The following THEMIS variants were observed in gnomAD, a reference collection of about 807,000 sequenced individuals.
THEMIS encodes thymocyte selection associated, also known as protein THEMIS.
In THEMIS, 37 loss-of-function variants were observed where a neutral mutation model predicts 52.6. The ratio of observed to expected loss-of-function variants is 0.70; its 90% CI spans 0.54 to 0.93. The LOEUF is 0.93. Ranked by LOEUF, THEMIS falls within the 40% of genes least tolerant of loss-of-function variation. The probability of loss-of-function intolerance (pLI) is 0.00; values close to 1 mark genes in which losing one functional copy is unlikely to be tolerated. For missense variants in THEMIS, 808 were observed against 763.1 expected, an observed-to-expected ratio of 1.06 and a Z score of -0.69; for synonymous variants, 292 against 272.7, an observed-to-expected ratio of 1.07 and a Z score of -0.70.
intron 4 of THEMIS, among the ~76,000 whole-genome samples, chr6:127,751,590 G>C (rs1004797534): frequency 6.6e-6 from 1 of 151,386 alleles, no homozygotes; most frequent in African/African-American, 2.4e-5. Flanking sequence ...AGACAAAGAA[G>C]ACCATCAATA....
Position 127,862,428 on chromosome 6 carries a change from A to ATTTTTTTTTTTTTTTTTTTTTT in THEMIS, c.92-7262_92-7241dup, listed in dbSNP as rs71028110. On this transcript the variant is annotated intron_variant, in intron 1 of 5. Coordinates refer to ENST00000368248, the MANE Select transcript of THEMIS (RefSeq NM_001010923.3). ...GCAGGTGAAATCTCCTAGGGAGTAAATTTTTTTTTTTTTTTTTTTTTTGCT... is the reference window on the plus strand; with the variant it reads ...GCAGGTGAAATCTCCTAGGGAGTAAATTTTTTTTTTTTTTTTTTTTTTTTTTTTTTTTTTTTTTTTTTTTGCT... Among the ~76,000 whole-genome samples the ATTTTTTTTTTTTTTTTTTTTTT allele has an allele frequency of 3.3e-3, 238 of 72,766 alleles. 32 individuals carry two copies. The highest frequency in any genetic ancestry group is 4.8e-3 in the Non-Finnish European group (170 of 35,412). 47.7% of individuals were successfully genotyped at this position (72,766 alleles called of 152,430 possible).
intron 1 of THEMIS, among the ~76,000 whole-genome samples, chr6:127,887,748 T>C (rs765836438): frequency 1.3e-5 from 2 of 152,262 alleles, no homozygotes; most frequent in South Asian, 2.1e-4. Context: ...TTTAAGATGA[T>C]GAAAATGGTC....
At chr6:127,878,075 T>C (rs1780368639) in intron 1 of THEMIS, among the ~76,000 whole-genome samples, 1 of 152,192 alleles carries the variant, frequency 6.6e-6, no homozygotes, top group African/African-American at 2.4e-5. Flanking sequence ...CATGCTTTTG[T>C]TTCCTATTAA....
rs1374265026 is a variant in THEMIS, at chr6:127,856,844, C to T, written c.92-1656G>A. ...TAATAAATCCACAGTGACATTTTTCCCCCAATTGACTCTGAATGGTTATTT... is the reference window on the plus strand; with the variant it reads ...TAATAAATCCACAGTGACATTTTTCTCCCAATTGACTCTGAATGGTTATTT... On this transcript the variant is annotated intron_variant, in intron 1 of 5. Transcript: ENST00000368248. 2.6e-5 allele frequency among the ~76,000 whole-genome samples: 4 copies of T among 151,814 alleles called. 1 individual carries two copies. Among genetic ancestry groups the T allele is most frequent in the East Asian group, 3.9e-4 (2 of 5,136 alleles).
At chr6:127,788,580 T>C (rs1031028681) in intron 4 of THEMIS, among the ~76,000 whole-genome samples, 5 of 152,362 alleles carry the variant, frequency 3.3e-5, no homozygotes, top group South Asian at 2.1e-4. Flanking sequence ...AGGTACTCAA[T>C]TGTATTTTCA....
chr6:127,885,643 A>AT (rs1230363329), intron 1 of THEMIS, among the ~76,000 whole-genome samples: 16 of 152,114 alleles, frequency 1.1e-4, no homozygotes, highest in Non-Finnish European at 1.5e-5. Context: ...ATTTTAACAT[A>AT]TTTTTTGCAG....
Position 127,887,821 on chromosome 6 carries a change from T to C in THEMIS, c.91+13021A>G, listed in dbSNP as rs753129017. On this transcript the variant is annotated intron_variant, in intron 1 of 5. Transcript: ENST00000368248. ...TTAAAACCATTCAGTTGTATACTTATAGTGGTTGAATTTTATGGTATATAA... is the reference window on the plus strand; with the variant it reads ...TTAAAACCATTCAGTTGTATACTTACAGTGGTTGAATTTTATGGTATATAA... Among the ~76,000 whole-genome samples, 5 of 152,266 alleles carry C rather than the reference T, an allele frequency of 3.3e-5. No individual in the cohort carries two copies. The South Asian group carries it at 1.0e-3, about 31-fold the overall frequency.
intron 4 of THEMIS, among the ~76,000 whole-genome samples, chr6:127,810,893 T>G (rs1583302750): frequency 6.6e-6 from 1 of 150,838 alleles, no homozygotes; most frequent in Admixed American, 6.6e-5. Context: ...ACTGAGAAAG[T>G]TTGCCTGGGA....
chr6:127,760,611 T>C (rs560904797), intron 4 of THEMIS, among the ~76,000 whole-genome samples: 15 of 152,028 alleles, frequency 9.9e-5, no homozygotes, highest in African/African-American at 3.6e-4. Flanking sequence ...ATAGCAATAC[T>C]CTATCTCTAC....
At chr6:127,782,346 GA>G (rs1052245594) in intron 4 of THEMIS, among the ~76,000 whole-genome samples, 19 of 151,820 alleles carry the variant, frequency 1.3e-4, no homozygotes, top group African/African-American at 3.6e-4. Flanking sequence ...ACTGGGGTAG[GA>G]AAAAAAACTC....
chr6:127,703,085 T>C (rs1190251000), downstream of THEMIS, among the ~76,000 whole-genome samples: 10 of 134,376 alleles, frequency 7.4e-5, no homozygotes, highest in Non-Finnish European at 1.4e-4. Context: ...TCTCGCTCTG[T>C]CGCCCAGGCT....
chr6:127,821,685 C>T (rs966061046), intron 3 of THEMIS, among the ~76,000 whole-genome samples: 1 of 151,824 alleles, frequency 6.6e-6, no homozygotes, highest in Admixed American at 6.6e-5. Context: ...GCCACTGTAA[C>T]AACCCTCTTA....
upstream of THEMIS, among the ~76,000 whole-genome samples, chr6:127,905,233 A>G (rs968081735): frequency 6.6e-6 from 1 of 152,028 alleles, no homozygotes; most frequent in African/African-American, 2.4e-5. Flanking sequence ...AGTCAAAGAG[A>G]ATATCTTAAA....
In THEMIS at chr6:127,725,436, GTGTGTGTGTGTGTC is replaced by G. The variant is rs926500968; in HGVS notation, c.1759-5627_1759-5614del. Among the ~76,000 whole-genome samples the G allele has an allele frequency of 9.2e-5, 14 of 151,944 alleles. No individual in the cohort carries two copies. The East Asian group carries it at 1.2e-3, about 13-fold the overall frequency. ...GTATGTAATCTGTCTCCTACTGTGT[GTGTGTGTGTGTGTC>G]TGTGTGTGTGTGTCTGTGAGTGTGT... On this transcript the variant is annotated intron_variant, in intron 4 of 5. Coordinates refer to ENST00000368248, the MANE Select transcript of THEMIS (RefSeq NM_001010923.3).
chr6:127,909,590 A>G (rs117088726), intron 1 of THEMIS, among the ~76,000 whole-genome samples: 1 of 152,106 alleles, frequency 6.6e-6, no homozygotes, highest in African/African-American at 2.4e-5. Context: ...TAAATTAGCT[A>G]GTCCTGGGTA....
At chr6:127,820,713 C>A (rs1778309809) in intron 3 of THEMIS, among the ~76,000 whole-genome samples, 1 of 151,982 alleles carries the variant, frequency 6.6e-6, no homozygotes, top group South Asian at 2.1e-4. Context: ...ACTGGCAACC[C>A]AATCTGCCTC....
At chr6:127,851,473 G>C (rs941664538) in intron 2 of THEMIS, among the ~76,000 whole-genome samples, 1 of 151,212 alleles carries the variant, frequency 6.6e-6, no homozygotes, top group Non-Finnish European at 1.5e-5. Flanking sequence ...AATATGTAAA[G>C]AATTCTTAAA....
intron 4 of THEMIS, among the ~76,000 whole-genome samples, chr6:127,720,855 A>C (rs1276279735): frequency 3.3e-5 from 5 of 151,908 alleles, no homozygotes; most frequent in Non-Finnish European, 1.5e-5. Flanking sequence ...TGAACTTTGG[A>C]CAGTGTTCTT....
chr6:127,783,218 C>T (rs951530837), intron 4 of THEMIS, among the ~76,000 whole-genome samples: 2 of 152,134 alleles, frequency 1.3e-5, no homozygotes, highest in South Asian at 2.1e-4. Context: ...CCATTCCTTA[C>T]ACTTCATACA....
Sources: gnomAD v4.1 joint callset for allele counts (sites outside exome capture counted in the v4.1 genomes callset) on GRCh38, gnomAD v4.1.1 for gene constraint, MANE v1.5 for transcripts, NCBI Gene and HGNC (gene_info 2026-07-23, HGNC 2026-07-21) for gene names.